The following UBP1 variants were observed in gnomAD, a reference collection of about 807,000 sequenced individuals.
The protein encoded by UBP1 is upstream-binding protein 1.
Under a neutral mutation model 76.1 loss-of-function variants are expected in UBP1, and 22 were observed. The observed-to-expected ratio is 0.29, with a 90% confidence interval of 0.21 to 0.41. UBP1 has a LOEUF of 0.41. UBP1 is among the 10% of genes least tolerant of loss of function. The probability of loss-of-function intolerance (pLI) is 1.00; values close to 1 mark genes in which losing one functional copy is unlikely to be tolerated. For synonymous variants in UBP1, 224 were observed against 237.1 expected, an observed-to-expected ratio of 0.94 and a Z score of 0.51; for missense variants, 436 against 668.1, an observed-to-expected ratio of 0.65 and a Z score of 3.83.
chr3:33,412,623 C>CT (rs869229342), intron 4 of UBP1, 99 bp downstream of exon 4: 1 of 709,272 alleles, frequency 1.4e-6, no homozygotes. Context: ...AACACCAAAA[C>CT]TTTCCCCACA....
At chr3:33,411,834 C>T (rs72852080) in intron 4 of UBP1, 147 bp from the exon 5 acceptor site, 67,238 of 636,920 alleles carry the variant, frequency 0.11, 3,957 homozygotes, top group Admixed American at 0.17. Context: ...TCTTCAACAT[C>T]GAAACCCACC....
chr3:33,416,622 T>G (rs1246540050), intron 3 of UBP1, 136 bp downstream of exon 3: 1 of 629,646 alleles, frequency 1.6e-6, no homozygotes, highest in East Asian at 3.0e-5. Flanking sequence ...ATTTTACAGG[T>G]GAATAAACAA....
intron 1 of UBP1, among the ~76,000 whole-genome samples, chr3:33,434,918 C>T (rs1011221575): frequency 6.6e-6 from 1 of 152,076 alleles, no homozygotes; most frequent in African/African-American, 2.4e-5. Flanking sequence ...ATCTCTTGAC[C>T]TCGTGATCCG....
chr3:33,400,529 T>C (rs2044184092), intron 10 of UBP1, among the ~76,000 whole-genome samples: 1 of 152,164 alleles, frequency 6.6e-6, no homozygotes, highest in South Asian at 2.1e-4. Context: ...TGCAGCAACA[T>C]GGACAACATG....
At chr3:33,394,191 T>TTTTTTATTATTATTATTATTA (rs1285477229) in intron 13 of UBP1, among the ~76,000 whole-genome samples, 1 of 143,428 alleles carries the variant, frequency 7.0e-6, no homozygotes, top group Non-Finnish European at 1.5e-5. Flanking sequence ...CTGGCTAATT[T>TTTTTTATTATTATTATTATTA]TTATTATTAT....
chr3:33,437,852 T>C lies in UBP1; in HGVS notation c.113+1884A>G, dbSNP rs577821175. Among the ~76,000 whole-genome samples, 3 of 152,342 alleles carry C rather than the reference T, an allele frequency of 2.0e-5. No homozygotes were observed. The East Asian group carries it at 5.8e-4, about 29-fold the overall frequency. Reference sequence around the variant, plus strand: ...TTATCGAGTCAATTTTGGAATTTCCTTAGTTTGAGAATTTCAAACAAAGGG... The same window carrying C: ...TTATCGAGTCAATTTTGGAATTTCCCTAGTTTGAGAATTTCAAACAAAGGG... On this transcript the variant is annotated intron_variant, in intron 1 of 15. Coordinates refer to ENST00000283629, the MANE Select transcript of UBP1 (RefSeq NM_014517.5).
intron 8 of UBP1, among the ~76,000 whole-genome samples, chr3:33,404,827 A>G (rs2044374100): frequency 6.6e-6 from 1 of 152,186 alleles, no homozygotes; most frequent in Non-Finnish European, 1.5e-5. Context: ...CAGATGATTC[A>G]AAAGGACTTC....
At chr3:33,399,839 G>A (rs967690027) in intron 11 of UBP1, among the ~76,000 whole-genome samples, 26 of 152,160 alleles carry the variant, frequency 1.7e-4, no homozygotes, top group East Asian at 1.2e-3. Flanking sequence ...AGAGTACACC[G>A]AAATATCACT....
At chr3:33,439,604 C>T (rs1447415555) in intron 1 of UBP1, 132 bp downstream of exon 1, 28 of 956,644 alleles carry the variant, frequency 2.9e-5, no homozygotes, top group Middle Eastern at 2.8e-4. Flanking sequence ...GACCGCCACG[C>T]GGCAGGACTC....
In UBP1 at chr3:33,390,537, A is replaced by G. The variant is rs58966197; in HGVS notation, c.1586-169T>C. 53 of 688,394 alleles carry G rather than the reference A, an allele frequency of 7.7e-5. No individual in the cohort carries two copies. In the East Asian group the frequency reaches 1.4e-3, roughly 18 times the overall value. The allele number at this position is 688,394 out of a possible 1,614,324, so 42.6% of individuals were successfully genotyped here. ...TTGCTCTAGCTCCTCTTCCCCCAAA[A>G]AACTTCATGTACACATTCCCTTTTT... On this transcript the variant is annotated intron_variant, in intron 15 of 15. Transcript: ENST00000283629.
intron 2 of UBP1, 28 bp downstream of exon 2, chr3:33,425,562 A>G: frequency 6.7e-7 from 1 of 1,483,248 alleles, no homozygotes; most frequent in Non-Finnish European, 9.1e-7. Context: ...AAATTCTTAC[A>G]TGTCAAATGT....
intron 15 of UBP1, chr3:33,391,477 C>G (rs549681075): frequency 2.4e-4 from 37 of 152,272 alleles, no homozygotes; most frequent in African/African-American, 7.2e-4. Context: ...CTGAAGGTTT[C>G]CAAATTTACA....
chr3:33,402,561 G>T (rs748505011), intron 9 of UBP1, among the ~76,000 whole-genome samples: 2 of 152,106 alleles, frequency 1.3e-5, no homozygotes, highest in Non-Finnish European at 2.9e-5. Flanking sequence ...TGAAAATGGC[G>T]CCTTGTCTAC....
chr3:33,406,921 C>T (rs375046202), intron 8 of UBP1, among the ~76,000 whole-genome samples: 56 of 152,328 alleles, frequency 3.7e-4, no homozygotes, highest in African/African-American at 1.3e-3. Context: ...ACAGTAGTGA[C>T]TATTCAGTGT....
chr3:33,430,925 C>G (rs534026919), intron 1 of UBP1, among the ~76,000 whole-genome samples: 40 of 152,184 alleles, frequency 2.6e-4, no homozygotes, highest in African/African-American at 9.4e-4. Flanking sequence ...TGACTGGACA[C>G]AGACCACCAG....
chr3:33,432,412 A>T (rs182739706), intron 1 of UBP1, among the ~76,000 whole-genome samples: 4 of 152,338 alleles, frequency 2.6e-5, no homozygotes, highest in Admixed American at 6.5e-5. Flanking sequence ...TTCTAAATAA[A>T]TTTTTTAATG....
At chr3:33,435,336 T>C (rs2045188169) in intron 1 of UBP1, among the ~76,000 whole-genome samples, 2 of 152,194 alleles carry the variant, frequency 1.3e-5, no homozygotes, top group African/African-American at 2.4e-5. Flanking sequence ...TTTTTAAATT[T>C]CACTAATCCT....
chr3:33,415,491 A>G (rs950590185), intron 3 of UBP1, among the ~76,000 whole-genome samples: 1 of 152,236 alleles, frequency 6.6e-6, no homozygotes, highest in Non-Finnish European at 1.5e-5. Context: ...AGTTGGCATG[A>G]GAACTTATGA....
chr3:33,392,627 AG>A lies in UBP1; in HGVS notation c.1534-14del. ...AATTCTGAACCATCTGGAAGGATAA[AG>A]TAAATGCGTAAGTACAATTAAGATC... On this transcript the variant is annotated splice_polypyrimidine_tract_variant and intron_variant, in intron 14 of 15. Transcript: ENST00000283629. The A allele has an allele frequency of 1.2e-6, 2 of 1,605,074 alleles. No individual in the cohort carries two copies. Among genetic ancestry groups the A allele is most frequent in the Non-Finnish European group, 1.7e-6 (2 of 1,175,642 alleles).
Sources: gnomAD v4.1 joint callset for allele counts (sites outside exome capture counted in the v4.1 genomes callset) on GRCh38, gnomAD v4.1.1 for gene constraint, MANE v1.5 for transcripts, NCBI Gene and HGNC (gene_info 2026-07-23, HGNC 2026-07-21) for gene names.